Variants in CPLX1 observed in about 807,000 individuals in gnomAD.
The protein encoded by CPLX1 is complexin-1.
Under a neutral mutation model 15.6 loss-of-function variants are expected in CPLX1, and 6 were observed. The ratio of observed to expected loss-of-function variants is 0.39; its 90% confidence interval spans 0.21 to 0.76. CPLX1 has a LOEUF of 0.76. Ranked by LOEUF, CPLX1 falls within the 30% of genes least tolerant of loss-of-function variation. The pLI is 0.43. For missense variants in CPLX1, 242 were observed against 188.6 expected (o/e 1.28, Z -1.66); for synonymous variants, 91 against 75.2 (o/e 1.21, Z -1.08).
At chr4:799,932 G>A (rs1181530248) in intron 2 of CPLX1, among the ~76,000 whole-genome samples, 2 of 152,162 alleles carry the variant, frequency 1.3e-5, no homozygotes, top group Non-Finnish European at 2.9e-5. Flanking sequence ...TCTGTGAGTT[G>A]CTCTAGGAAT....
At chr4:815,825 G>T (rs180852911) in intron 2 of CPLX1, among the ~76,000 whole-genome samples, 27 of 152,296 alleles carry the variant, frequency 1.8e-4, no homozygotes, top group African/African-American at 6.3e-4. Flanking sequence ...TTGTTACAAC[G>T]GGTGGGGAAG....
Position 786,421 on chromosome 4 carries a change from T to C in CPLX1, c.*80A>G, listed in dbSNP as rs1249577428. On this transcript the variant is annotated 3_prime_UTR_variant, in exon 4 of 4. Coordinates refer to ENST00000304062, the MANE Select transcript of CPLX1 (RefSeq NM_006651.4). Reference sequence around the variant, plus strand: ...TTATATCGGCGTGGGGGCTGCGCTCTGCTCGTCCCTCAGGGGCCTCCGCGG... The same window carrying C: ...TTATATCGGCGTGGGGGCTGCGCTCCGCTCGTCCCTCAGGGGCCTCCGCGG... 1.4e-6 allele frequency: 2 copies of C among 1,431,272 alleles called. No homozygotes were observed. The highest frequency in any genetic ancestry group is 5.2e-5 in the East Asian group (2 of 38,672). The allele number at this position is 1,431,272 out of a possible 1,614,324, so 88.7% of individuals were successfully genotyped here.
intron 2 of CPLX1, among the ~76,000 whole-genome samples, chr4:794,778 G>A (rs925212090): frequency 1.3e-5 from 2 of 152,254 alleles, no homozygotes; most frequent in African/African-American, 4.8e-5. Flanking sequence ...TTGCTCTCCT[G>A]ATGGAAGGGG....
At chr4:809,429 C>G (rs1021685716) in intron 2 of CPLX1, among the ~76,000 whole-genome samples, 2 of 151,366 alleles carry the variant, frequency 1.3e-5, no homozygotes, top group East Asian at 3.9e-4. Flanking sequence ...GAGCCTCTGC[C>G]CTGCCTCGTG....
At chr4:812,050 A>C (rs1026781177) in intron 2 of CPLX1, among the ~76,000 whole-genome samples, 7 of 151,706 alleles carry the variant, frequency 4.6e-5, no homozygotes, top group Admixed American at 1.3e-4. Context: ...CTATCTTTTC[A>C]CTTTTACCTG....
chr4:799,932 G>T (rs1181530248), intron 2 of CPLX1, among the ~76,000 whole-genome samples: 1 of 152,162 alleles, frequency 6.6e-6, no homozygotes, highest in Non-Finnish European at 1.5e-5. Flanking sequence ...TCTGTGAGTT[G>T]CTCTAGGAAT....
chr4:825,677 G>C (rs1409164384), intron 1 of CPLX1, among the ~76,000 whole-genome samples: 2 of 151,372 alleles, frequency 1.3e-5, no homozygotes, highest in East Asian at 2.0e-4. Flanking sequence ...GGCGCGGGCC[G>C]GGACCGCGGG....
At chr4:825,387 C>T (rs374378111) in intron 1 of CPLX1, among the ~76,000 whole-genome samples, 1 of 152,198 alleles carries the variant, frequency 6.6e-6, no homozygotes, top group Non-Finnish European at 1.5e-5. Context: ...GAAGGAGACT[C>T]GCGCGGGGAC....
intron 2 of CPLX1, among the ~76,000 whole-genome samples, chr4:805,562 A>C (rs909692106): frequency 6.6e-6 from 1 of 152,236 alleles, no homozygotes; most frequent in Non-Finnish European, 1.5e-5. Context: ...AAAAAATTAA[A>C]CATAGAATTG....
chr4:824,641 G>A (rs751431211), intron 1 of CPLX1, 40 bp from the exon 2 acceptor site: 5 of 1,076,170 alleles, frequency 4.6e-6, no homozygotes, highest in South Asian at 1.2e-5. Context: ...CCCTAAGCAG[G>A]CCCCTGCCTG....
Position 786,703 on chromosome 4 carries a change from G to A in CPLX1, c.208-5C>T, listed in dbSNP as rs948890711. The A allele has an allele frequency of 6.3e-6, 10 of 1,586,932 alleles. No homozygotes were observed. Among genetic ancestry groups the A allele is most frequent in the South Asian group, 2.3e-5 (2 of 88,250 alleles). On this transcript the variant is annotated splice_polypyrimidine_tract_variant and splice_region_variant and intron_variant, in intron 3 of 3. Coordinates refer to ENST00000304062, the MANE Select transcript of CPLX1 (RefSeq NM_006651.4). ...CTCCTTCTTCTTGATGCCGTACTGC[G>A]GGGGAGGCGGGGGTCAGGGCGGGGG...
chr4:813,219 T>C (rs1247144488), intron 2 of CPLX1, among the ~76,000 whole-genome samples: 1 of 149,258 alleles, frequency 6.7e-6, no homozygotes, highest in Admixed American at 6.7e-5. Context: ...GAGCCAAGAT[T>C]GTACCACTGC....
chr4:796,735 C>A (rs1184596474), intron 2 of CPLX1, among the ~76,000 whole-genome samples: 5 of 152,234 alleles, frequency 3.3e-5, no homozygotes, highest in Non-Finnish European at 7.3e-5. Flanking sequence ...GTAAAGACGT[C>A]CATCCTCCCC....
intron 2 of CPLX1, among the ~76,000 whole-genome samples, chr4:805,250 CCT>C (rs757203242): frequency 4.1e-4 from 63 of 152,178 alleles, no homozygotes; most frequent in Non-Finnish European, 2.6e-4. Context: ...TGAATATACC[CCT>C]GTTGTTAGGA....
chr4:816,672 A>G (rs80308253), intron 2 of CPLX1, among the ~76,000 whole-genome samples: 2 of 151,958 alleles, frequency 1.3e-5, no homozygotes, highest in African/African-American at 4.8e-5. Context: ...AAAAAAAAAA[A>G]TTAGCCAAGT....
chr4:792,501 C>T lies in CPLX1; in HGVS notation c.139G>A (p.Glu47Lys). ...RQEALRQAEE[E>K]RKAKYAKMEA... ...ATCTTGGCGTACTTGGCCTTGCGCT[C>T]CTCCTCCGCCTGGCGCAGCGCCTCC... is the stretch of plus-strand genomic sequence containing the variant. Residue 47 changes from glutamate to lysine, a missense_variant, in exon 3 of 4, where the codon GAG becomes AAG. Coordinates refer to ENST00000304062, the MANE Select transcript of CPLX1 (RefSeq NM_006651.4). 1.2e-6 allele frequency: 2 copies of T among 1,613,132 alleles called. No homozygotes were observed. The highest frequency in any genetic ancestry group is 1.7e-6 in the Non-Finnish European group (2 of 1,179,718).
chr4:793,672 C>CGT (rs1746249619), intron 2 of CPLX1, among the ~76,000 whole-genome samples: 1 of 152,148 alleles, frequency 6.6e-6, no homozygotes, highest in Non-Finnish European at 1.5e-5. Flanking sequence ...GGACCAGCCT[C>CGT]GTGTGTGTGA....
rs1745992486 is a variant in CPLX1, at chr4:786,484, C to A, written c.*17G>T. ...GGGAGGGGCGGGGGCTCCGCGGGGC[C>A]GCTGTCCCGCGCGCGGCTACTTCTT... On this transcript the variant is annotated 3_prime_UTR_variant, in exon 4 of 4. Coordinates refer to ENST00000304062, the MANE Select transcript of CPLX1 (RefSeq NM_006651.4). 6.5e-7 allele frequency: 1 copy of A among 1,541,488 alleles called. No homozygotes were observed. Among genetic ancestry groups the A allele is most frequent in the Non-Finnish European group, 8.8e-7 (1 of 1,140,560 alleles).
chr4:788,679 G>A (rs748685845), intron 3 of CPLX1, among the ~76,000 whole-genome samples: 28 of 152,276 alleles, frequency 1.8e-4, no homozygotes, highest in Middle Eastern at 3.4e-3. Flanking sequence ...CACGGAAGTG[G>A]AGGGAGCATG....
Sources: allele counts gnomAD v4.1 joint callset (sites outside exome capture counted in the v4.1 genomes callset), GRCh38; gene constraint gnomAD v4.1.1; transcripts MANE v1.5; gene names NCBI Gene and HGNC (gene_info 2026-07-23, HGNC 2026-07-21).